The following THADA variants were observed in gnomAD, a reference collection of about 807,000 sequenced individuals.
THADA encodes tRNA (32-2'-O)-methyltransferase regulator THADA.
THADA carries 213 observed loss-of-function variants against 219.8 expected under a neutral mutation model. That is an observed-to-expected ratio of 0.97 (90% CI 0.87 to 1.09). The LOEUF (loss-of-function observed/expected upper bound fraction) is 1.09, where lower values mean the gene tolerates loss of function less well. THADA is among the 50% of genes least tolerant of loss of function. The probability of loss-of-function intolerance (pLI) is 0.00; values close to 1 mark genes in which losing one functional copy is unlikely to be tolerated. For synonymous variants in THADA, 1,018 were observed against 828.9 expected, an observed-to-expected ratio of 1.23 and a Z score of -3.92; for missense variants, 2,956 against 2,311.3, an observed-to-expected ratio of 1.28 and a Z score of -5.72.
rs115678313 is a variant in THADA, at chr2:43,330,561, C to T, written c.4344-10021G>A. ...GGCCAGCGCACTGCCGTAAAGCCTG[C>T]GTCAGTTACGGACTTCAGTTAAAGG... On this transcript the variant is annotated intron_variant, in intron 30 of 37. Transcript: ENST00000405975. Among the ~76,000 whole-genome samples, 750 of 152,274 alleles carry T rather than the reference C, an allele frequency of 4.9e-3. 8 individuals carry two copies. The highest frequency in any genetic ancestry group is 0.017 in the African/African-American group (695 of 41,570).
intron 22 of THADA, among the ~76,000 whole-genome samples, chr2:43,514,442 C>A (rs1336015622): frequency 1.5e-5 from 2 of 136,664 alleles, no homozygotes; most frequent in Non-Finnish European, 1.6e-5. Context: ...CAGAGTGAGA[C>A]CCTGTCTTAA....
At chr2:43,290,854 C>T (rs1313195207) in intron 34 of THADA, among the ~76,000 whole-genome samples, 1 of 151,952 alleles carries the variant, frequency 6.6e-6, no homozygotes, top group Non-Finnish European at 1.5e-5. Flanking sequence ...GACATCTTCC[C>T]AGGAAGCTGT....
In THADA at chr2:43,291,057, TA is replaced by T. The variant is rs141959512; in HGVS notation, c.5010+638del. Among the ~76,000 whole-genome samples the T allele has an allele frequency of 7.2e-4, 110 of 151,976 alleles. No homozygotes were observed. The East Asian group carries it at 0.013, about 18-fold the overall frequency. On this transcript the variant is annotated intron_variant, in intron 34 of 37. Coordinates refer to ENST00000405975, the MANE Select transcript of THADA (RefSeq NM_022065.5). ...ATTGACATGCTTACTCCTCTTTAAA[TA>T]AAGAGTCCAGCTAGAGAAATGGGGA...
At chr2:43,303,147 G>A (rs1266802051) in intron 31 of THADA, among the ~76,000 whole-genome samples, 1 of 152,136 alleles carries the variant, frequency 6.6e-6, no homozygotes, top group African/African-American at 2.4e-5. Flanking sequence ...AGAAACTGAA[G>A]GAACTTTGCA....
intron 36 of THADA, among the ~76,000 whole-genome samples, chr2:43,265,206 G>T (rs1332122158): frequency 6.6e-6 from 1 of 152,124 alleles, no homozygotes; most frequent in African/African-American, 2.4e-5. Context: ...GTGGGGGCGG[G>T]GGCACTGAAA....
At chr2:43,537,667 T>G (rs1157676926) in intron 21 of THADA, among the ~76,000 whole-genome samples, 2 of 152,096 alleles carry the variant, frequency 1.3e-5, no homozygotes, top group African/African-American at 2.4e-5. Context: ...TACAACAGAA[T>G]CTAACATACA....
chr2:43,443,609 A>C (rs1681131336), intron 26 of THADA, among the ~76,000 whole-genome samples: 2 of 152,236 alleles, frequency 1.3e-5, no homozygotes, highest in African/African-American at 4.8e-5. Flanking sequence ...AAAAAGGAAA[A>C]ACTGAAGCTC....
At chr2:43,455,339 T>C (rs188584591) in intron 26 of THADA, among the ~76,000 whole-genome samples, 12 of 152,312 alleles carry the variant, frequency 7.9e-5, no homozygotes, top group Non-Finnish European at 1.3e-4. Context: ...CTGTTCCCTA[T>C]ATTACAGTAT....
chr2:43,344,154 A>C lies in THADA; in HGVS notation c.4311T>G (p.Val1437=). 6.2e-7 allele frequency: 1 copy of C among 1,611,984 alleles called. No individual in the cohort carries two copies. Among genetic ancestry groups the C allele is most frequent in the Non-Finnish European group, 8.5e-7 (1 of 1,179,120 alleles). Residue 1437 remains valine (V), a synonymous_variant, in exon 30 of 38, where the codon GTT becomes GTG. Coordinates refer to ENST00000405975, the MANE Select transcript of THADA (RefSeq NM_022065.5). The stretch of plus-strand genomic sequence containing the variant: ...CCAGCCAGAGTTTGGCTTTGGTACA[A>C]ACAGTGATGTCAGTCAGCTCGTGCT... ...DFQHELTDIT[V]CTKAKLWLAK...
At chr2:43,552,375 A>G in intron 17 of THADA, 36 bp from the exon 18 acceptor site, 1 of 1,568,474 alleles carries the variant, frequency 6.4e-7, no homozygotes, top group Non-Finnish European at 8.6e-7. Context: ...AGTAATGTCA[A>G]TCTTAAAACA....
At chr2:43,509,775 G>A (rs1024870586) in intron 22 of THADA, among the ~76,000 whole-genome samples, 17 of 152,060 alleles carry the variant, frequency 1.1e-4, no homozygotes, top group Non-Finnish European at 1.9e-4. Context: ...TACTTTAAAG[G>A]AGGCATTTTT....
chr2:43,505,473 G>A, intron 24 of THADA, 149 bp downstream of exon 24: 1 of 477,704 alleles, frequency 2.1e-6, no homozygotes. Flanking sequence ...AGAATTGCTT[G>A]AACCTGGGAG....
At chr2:43,262,274 CTTGAAAGGAGAGGA>C (rs1192977884) in intron 36 of THADA, among the ~76,000 whole-genome samples, 5 of 152,092 alleles carry the variant, frequency 3.3e-5, no homozygotes, top group African/African-American at 1.2e-4. Flanking sequence ...GGGGGCACTC[CTTGAAAGGAGAGGA>C]TGCACACTCT....
intron 22 of THADA, among the ~76,000 whole-genome samples, chr2:43,527,577 CA>C (rs1312726433): frequency 1.3e-5 from 2 of 150,594 alleles, no homozygotes; most frequent in African/African-American, 5.0e-5. Flanking sequence ...TTCAAACAGA[CA>C]AAACATTTAT....
At chr2:43,446,267 C>T (rs560170286) in intron 26 of THADA, among the ~76,000 whole-genome samples, 16 of 152,220 alleles carry the variant, frequency 1.1e-4, no homozygotes, top group Admixed American at 9.2e-4. Context: ...AAACTTCTAT[C>T]GTTCCTTATA....
At chr2:43,243,999 A>G (rs1668876138) in intron 36 of THADA, among the ~76,000 whole-genome samples, 1 of 152,232 alleles carries the variant, frequency 6.6e-6, no homozygotes, top group Non-Finnish European at 1.5e-5. Context: ...TTCATTTAAA[A>G]GAAAAGATAA....
chr2:43,391,770 A>G (rs981377933), intron 29 of THADA: 1 of 152,244 alleles, frequency 6.6e-6, no homozygotes, highest in Non-Finnish European at 1.5e-5. Flanking sequence ...ACTCCCTGAG[A>G]GCTGAAGGAA....
At chr2:43,492,920 C>T (rs751641319) in intron 25 of THADA, among the ~76,000 whole-genome samples, 28 of 152,172 alleles carry the variant, frequency 1.8e-4, no homozygotes, top group Admixed American at 9.2e-4. Flanking sequence ...GAAAAAAGGT[C>T]CCTCTTCCTC....
At chr2:43,397,110 C>T (rs913145601) in intron 29 of THADA, among the ~76,000 whole-genome samples, 2 of 151,580 alleles carry the variant, frequency 1.3e-5, no homozygotes, top group Non-Finnish European at 1.5e-5. Context: ...ATCTGAGATT[C>T]ACACCCAGGC....
Sources: allele counts gnomAD v4.1 joint callset (sites outside exome capture counted in the v4.1 genomes callset), GRCh38; gene constraint gnomAD v4.1.1; transcripts MANE v1.5; gene names NCBI Gene and HGNC (gene_info 2026-07-23, HGNC 2026-07-21).